Variants in SLC43A3 observed in about 807,000 individuals in gnomAD.
SLC43A3 encodes the protein solute carrier family 43 member 3.
A neutral mutation model predicts 53.3 loss-of-function variants in SLC43A3; 33 were observed. That is an observed-to-expected ratio of 0.62 (90% CI 0.47 to 0.83). The LOEUF (loss-of-function observed/expected upper bound fraction) is 0.83. Ranked by LOEUF, SLC43A3 falls within the 40% of genes least tolerant of loss-of-function variation. SLC43A3 has a pLI of 0.00. For synonymous variants in SLC43A3, 236 were observed against 246.2 expected, an observed-to-expected ratio of 0.96 and a Z score of 0.39; for missense variants, 530 against 610.0, an observed-to-expected ratio of 0.87 and a Z score of 1.38.
chr11:57,420,825 C>A, intron 7 of SLC43A3, 147 bp downstream of exon 7: 2 of 632,728 alleles, frequency 3.2e-6, no homozygotes, highest in Non-Finnish European at 5.7e-6. Flanking sequence ...AGCTTTTTAA[C>A]CTCAGAGACT....
intron 11 of SLC43A3, among the ~76,000 whole-genome samples, chr11:57,411,685 T>C (rs1942483618): frequency 6.6e-6 from 1 of 151,462 alleles, no homozygotes; most frequent in African/African-American, 2.4e-5. Context: ...GAAGAAAATA[T>C]GGCAATTTGA....
Position 57,426,264 on chromosome 11 carries a change from T to C in SLC43A3, c.-92A>G, listed in dbSNP as rs867647350. ...CCTGGCGTTTGAGCACTTGGAAAAT[T>C]CCTCTGGCAAGCCAAGCCCTTCCTT... On this transcript the variant is annotated 5_prime_UTR_variant, in exon 3 of 14. Transcript: ENST00000395124. The C allele has an allele frequency of 7.5e-5, 97 of 1,299,546 alleles. No homozygotes were observed. In the Middle Eastern group the frequency reaches 1.9e-3, roughly 25 times the overall value. 80.5% of individuals were successfully genotyped at this position (1,299,546 alleles called of 1,614,324 possible). A position where few individuals can be genotyped will look rare whatever the true frequency, so the allele number is the denominator to read the frequency against.
Position 57,426,200 on chromosome 11 carries a change from C to T in SLC43A3, c.-28G>A, listed in dbSNP as rs377088305. 3.1e-6 allele frequency: 5 copies of T among 1,609,142 alleles called. No individual in the cohort carries two copies. In the African/African-American group the frequency reaches 6.7e-5, roughly 22 times the overall value. The stretch of plus-strand genomic sequence containing the variant: ...GCAGAAGTGGAGTGGATCTTCAAAT[C>T]CCACTTTGTCCTCCTGGACGGATCA... On this transcript the variant is annotated 5_prime_UTR_variant, in exon 3 of 14. Coordinates refer to ENST00000395124, the MANE Select transcript of SLC43A3 (RefSeq NM_199329.3).
At chr11:57,416,504 G>A in intron 9 of SLC43A3, 69 bp downstream of exon 9, 2 of 1,252,004 alleles carry the variant, frequency 1.6e-6, no homozygotes, top group South Asian at 1.2e-5. Flanking sequence ...CTCTGGAGGT[G>A]AGGGGCCAGG....
chr11:57,416,617 T>G lies in SLC43A3; in HGVS notation c.725A>C (p.Glu242Ala). ...TKEEKETAEH[E>A]NRELQSKEFL... ...CTCCTTTGACTGTAGCTCCCTGTTT[T>G]CATGCTCAGCTGTTTCCTTCTCTTC... Residue 242 changes from glutamate (E) to alanine (A), a missense_variant, in exon 9 of 14, where the codon GAA becomes GCA. Around this residue, in one of 3 missense-constraint regions of SLC43A3, gnomAD observed 376 missense variants for 386.7 expected, o/e 0.97. Transcript: ENST00000395124. 1 of 1,614,200 alleles carries G rather than the reference T, an allele frequency of 6.2e-7. No individual in the cohort carries two copies.
In SLC43A3 at chr11:57,425,565, G is replaced by C; in HGVS notation, c.290C>G (p.Thr97Ser). The C allele has an allele frequency of 6.2e-7, 1 of 1,614,084 alleles. No individual in the cohort carries two copies. The highest frequency in any genetic ancestry group is 8.5e-7 in the Non-Finnish European group (1 of 1,180,016). The stretch of plus-strand genomic sequence containing the variant: ...CATGGCTATGAGGCGTGCCACGGTG[G>C]TCTTGAACCGGTCAAAGATGTAGCC... Reference protein sequence around the residue: ...PTGYIFDRFKTTVARLIAIFF... With the variant: ...PTGYIFDRFKSTVARLIAIFF... Residue 97 changes from threonine to serine, a missense_variant, in exon 4 of 14, where the codon ACC becomes AGC. Physicochemically the swap from Thr to Ser is moderately conservative, Grantham distance 58. Coordinates refer to ENST00000395124, the MANE Select transcript of SLC43A3 (RefSeq NM_199329.3).
At position 57,416,664 on chromosome 11, in the gene SLC43A3, G is replaced by A; in HGVS notation, c.678C>T (p.Cys226=). The A allele has an allele frequency of 6.2e-7, 1 of 1,613,820 alleles. No individual in the cohort carries two copies. The change falls in exon 9 of 14, where the codon TGC becomes TGT. Residue 226 remains cysteine (C), a synonymous_variant. Coordinates refer to ENST00000395124, the MANE Select transcript of SLC43A3 (RefSeq NM_199329.3). ...PLPPNYSYGL[C]PGNGTTKEEK... is the part of the protein sequence containing the mutation. ...CTTCCTTTGTGGTGCCATTCCCAGG[G>A]CACAGGCTATGGAAACAAAAGCCCC...
intron 9 of SLC43A3, among the ~76,000 whole-genome samples, chr11:57,415,945 T>C (rs1942698445): frequency 6.6e-6 from 1 of 152,170 alleles, no homozygotes; most frequent in South Asian, 2.1e-4. Context: ...TTTCTACCTG[T>C]TTTGTGACAA....
intron 12 of SLC43A3, 144 bp downstream of exon 12, chr11:57,409,791 T>TC: frequency 1.4e-6 from 1 of 704,918 alleles, no homozygotes; most frequent in Non-Finnish European, 2.4e-6. Context: ...ACCTCTGGTC[T>TC]CACCCCCTCC....
In SLC43A3 at chr11:57,409,184, G is replaced by T; in HGVS notation, c.1362C>A (p.Asp454Glu). 1 of 1,614,226 alleles carries T rather than the reference G, an allele frequency of 6.2e-7. No individual in the cohort carries two copies. The highest frequency in any genetic ancestry group is 8.5e-7 in the Non-Finnish European group (1 of 1,180,030). ...TCCTCCCAGTACTCACGTAAAATGGGTCATTCTGAAGGGAGCCTTTGATGA... is the reference window on the plus strand; with the variant it reads ...TCCTCCCAGTACTCACGTAAAATGGTTCATTCTGAAGGGAGCCTTTGATGA... ...FTLIKGSLQNDPFYVNVMFML... is the reference protein window; with the variant it reads ...FTLIKGSLQNEPFYVNVMFML... The change falls in exon 13 of 14, where the codon GAC becomes GAA. Residue 454 changes from aspartate (D) to glutamate (E), a missense_variant. Physicochemically the swap from Asp to Glu is conservative, Grantham distance 45. Around this residue, in one of 3 missense-constraint regions of SLC43A3, gnomAD observed 124 missense variants for 166.4 expected, o/e 0.75. Coordinates refer to ENST00000395124, the MANE Select transcript of SLC43A3 (RefSeq NM_199329.3).
intron 7 of SLC43A3, among the ~76,000 whole-genome samples, chr11:57,420,487 A>C (rs1942935830): frequency 6.6e-6 from 1 of 152,020 alleles, no homozygotes; most frequent in South Asian, 2.1e-4. Context: ...TTGTTGATTG[A>C]CCTCTAATAG....
intron 12 of SLC43A3, 32 bp from the exon 13 acceptor site, chr11:57,409,330 G>A (rs1215029008): frequency 1.2e-6 from 2 of 1,613,240 alleles, no homozygotes; most frequent in Non-Finnish European, 1.7e-6. Flanking sequence ...GTTCCAGTGA[G>A]CTTCAGGGAC....
chr11:57,418,212 G>C (rs1257307269), intron 7 of SLC43A3, among the ~76,000 whole-genome samples: 1 of 152,050 alleles, frequency 6.6e-6, no homozygotes, highest in Admixed American at 6.6e-5. Flanking sequence ...GCATACACCT[G>C]TAGTGCCAGC....
At chr11:57,416,307 G>A (rs557037388) in intron 9 of SLC43A3, among the ~76,000 whole-genome samples, 28 of 152,282 alleles carry the variant, frequency 1.8e-4, no homozygotes, top group Admixed American at 1.8e-3. Context: ...CCGAGGAGTG[G>A]GGGGAAGGGA....
At position 57,409,194 on chromosome 11, in the gene SLC43A3, A is replaced by C; in HGVS notation, c.1352T>G (p.Leu451Arg). 1 of 1,614,238 alleles carries C rather than the reference A, an allele frequency of 6.2e-7. No individual in the cohort carries two copies. Among genetic ancestry groups the C allele is most frequent in the Non-Finnish European group, 8.5e-7 (1 of 1,180,040 alleles). ...FPIFTLIKGS[L>R]QNDPFYVNVM... The stretch of plus-strand genomic sequence containing the variant: ...ACTCACGTAAAATGGGTCATTCTGA[A>C]GGGAGCCTTTGATGAGGGTGAAGAT... Residue 451 changes from leucine (L) to arginine (R), a missense_variant, in exon 13 of 14, where the codon CTT (leucine) becomes CGT (arginine). Physicochemically the swap from Leu to Arg is moderately radical, Grantham distance 102 (BLOSUM62 -2). Coordinates refer to ENST00000395124, the MANE Select transcript of SLC43A3 (RefSeq NM_199329.3).
rs1049993155 is a variant in SLC43A3 at position 57,418,019 on chromosome 11, C to T, written c.532-132G>A. 23 of 782,934 alleles carry T rather than the reference C, an allele frequency of 2.9e-5. No individual in the cohort carries two copies. In the African/African-American group the frequency reaches 3.5e-4, roughly 12 times the overall value. The allele number at this position is 782,934 out of a possible 1,614,324, so 48.5% of individuals were successfully genotyped here. A position where few individuals can be genotyped will look rare whatever the true frequency, so the allele number is the denominator to read the frequency against. On this transcript the variant is annotated intron_variant, in intron 7 of 13. Transcript: ENST00000395124. ...AGCTAAACATAATGTGATCTATACA[C>T]ACAATGGAATATTATTCAGCCTTAA...
At chr11:57,426,716 A>G (rs949684763) in intron 1 of SLC43A3, 64 bp from the exon 2 acceptor site, 2 of 152,776 alleles carry the variant, frequency 1.3e-5, no homozygotes, top group African/African-American at 4.8e-5. Context: ...GAAGACACAA[A>G]CTCCCGCTGC....
Position 57,426,198 on chromosome 11 carries a change from A to G in SLC43A3, c.-26T>C. ...GAGCAGAAGTGGAGTGGATCTTCAA[A>G]TCCCACTTTGTCCTCCTGGACGGAT... On this transcript the variant is annotated 5_prime_UTR_variant, in exon 3 of 14. Transcript: ENST00000395124. 1 of 1,611,348 alleles carries G rather than the reference A, an allele frequency of 6.2e-7. No homozygotes were observed. Among genetic ancestry groups the G allele is most frequent in the Non-Finnish European group, 8.5e-7 (1 of 1,178,204 alleles).
chr11:57,415,507 TC>T (rs1178697640), intron 9 of SLC43A3: 2 of 773,614 alleles, frequency 2.6e-6, no homozygotes, highest in East Asian at 6.4e-5. Flanking sequence ...CACCTCCCTT[TC>T]TTTTGATACC....
Sources: allele counts gnomAD v4.1 joint callset (sites outside exome capture counted in the v4.1 genomes callset), GRCh38; gene constraint gnomAD v4.1.1; regional missense constraint gnomAD v4.1.1; transcripts MANE v1.5; gene names NCBI Gene and HGNC (gene_info 2026-07-23, HGNC 2026-07-21).